GRK5: variants seen among roughly 807,000 people sequenced by gnomAD.
GRK5 encodes the protein g protein-coupled receptor kinase GRK5.
GRK5 carries 40 observed loss-of-function variants against 78.4 expected under a neutral mutation model. That is an observed-to-expected ratio of 0.51 (90% CI 0.40 to 0.66). The LOEUF is 0.66. Ranked by LOEUF, GRK5 falls within the 30% of genes least tolerant of loss-of-function variation. The probability of loss-of-function intolerance (pLI) is 0.00; values close to 1 mark genes in which losing one functional copy is unlikely to be tolerated. For synonymous variants in GRK5, 289 were observed against 296.8 expected (o/e 0.97, Z 0.27); for missense variants, 598 against 759.9 (o/e 0.79, Z 2.50).
intron 2 of GRK5, among the ~76,000 whole-genome samples, chr10:119,348,012 C>T (rs17676433): frequency 0.023 from 3,570 of 152,328 alleles, 59 homozygotes; most frequent in Middle Eastern, 0.034. Context: ...TTCTCTCATC[C>T]GCCATTGTTG....
chr10:119,429,041 G>A (rs1360129713), intron 6 of GRK5, among the ~76,000 whole-genome samples: 1 of 152,218 alleles, frequency 6.6e-6, no homozygotes, highest in African/African-American at 2.4e-5. Context: ...AGGGCCACGT[G>A]GTCGAGGCAG....
intron 2 of GRK5, among the ~76,000 whole-genome samples, chr10:119,338,049 G>C (rs1335149850): frequency 3.9e-5 from 6 of 152,192 alleles, no homozygotes; most frequent in Admixed American, 3.9e-4. Flanking sequence ...AGGTAATGGG[G>C]ATTAGGACTT....
At chr10:119,442,910 T>TGGATGGA (rs1564937155) in intron 11 of GRK5, among the ~76,000 whole-genome samples, 4 of 152,080 alleles carry the variant, frequency 2.6e-5, no homozygotes, top group Non-Finnish European at 5.9e-5. Context: ...GGATGGATGG[T>TGGATGGA]TGGATGGATG....
At chr10:119,365,903 C>T (rs1287066430) in intron 2 of GRK5, among the ~76,000 whole-genome samples, 2 of 152,216 alleles carry the variant, frequency 1.3e-5, no homozygotes, top group Non-Finnish European at 2.9e-5. Context: ...TGTTATGATG[C>T]AGCCATCAGC....
At chr10:119,256,187 C>G (rs1849280371) in intron 1 of GRK5, among the ~76,000 whole-genome samples, 1 of 152,148 alleles carries the variant, frequency 6.6e-6, no homozygotes, top group Non-Finnish European at 1.5e-5. Context: ...CAGAGCCACC[C>G]TCTCGCTGCC....
In GRK5 at chr10:119,431,422, G is replaced by A; in HGVS notation, c.633G>A (p.Met211Ile). The A allele has an allele frequency of 6.2e-7, 1 of 1,614,054 alleles. No individual in the cohort carries two copies. Among genetic ancestry groups the A allele is most frequent in the South Asian group, 1.1e-5 (1 of 91,054 alleles). The part of the protein sequence containing the change: ...CACQVRATGK[M>I]YACKRLEKKR... ...GCCAGGTTCGGGCCACGGGTAAAAT[G>A]TATGCCTGCAAGCGCTTGGAGAAGA... Residue 211 changes from methionine (M) to isoleucine (I), a missense_variant, in exon 8 of 16, where the codon ATG (methionine) becomes ATA (isoleucine). By Grantham distance (10) the Met-to-Ile change is conservative. Coordinates refer to ENST00000392870, the MANE Select transcript of GRK5 (RefSeq NM_005308.3). The surrounding 1 kb of genome is among the most constrained non-coding windows in gnomAD (Gnocchi z 4.8).
chr10:119,361,192 T>C (rs1224475708), intron 2 of GRK5, among the ~76,000 whole-genome samples: 1 of 152,140 alleles, frequency 6.6e-6, no homozygotes, highest in Non-Finnish European at 1.5e-5. Context: ...CACTCTACAG[T>C]GGAATGAAGG....
chr10:119,356,033 A>C (rs1183822106), intron 2 of GRK5, among the ~76,000 whole-genome samples: 2 of 152,218 alleles, frequency 1.3e-5, no homozygotes, highest in African/African-American at 4.8e-5. Context: ...GTAAGATAAT[A>C]ATACATTCTG....
chr10:119,219,387 C>A (rs1368025590), intron 1 of GRK5, among the ~76,000 whole-genome samples: 1 of 152,168 alleles, frequency 6.6e-6, no homozygotes, highest in Non-Finnish European at 1.5e-5. Flanking sequence ...CTCTTTGCAA[C>A]ATTTTGGATT....
At chr10:119,237,069 T>TTA in intron 1 of GRK5, among the ~76,000 whole-genome samples, 2 of 149,284 alleles carry the variant, frequency 1.3e-5, no homozygotes, top group Non-Finnish European at 3.0e-5. Context: ...TACCTTTTTT[T>TTA]TTTTTTTTTT....
chr10:119,310,921 C>T (rs1015240148), intron 1 of GRK5, among the ~76,000 whole-genome samples: 1 of 152,146 alleles, frequency 6.6e-6, no homozygotes, highest in African/African-American at 2.4e-5. Flanking sequence ...CAGCCCTCCC[C>T]GTCTGATGAG....
At chr10:119,417,800 C>T (rs770531852) in intron 4 of GRK5, among the ~76,000 whole-genome samples, 22 of 152,244 alleles carry the variant, frequency 1.4e-4, no homozygotes, top group South Asian at 6.2e-4. Flanking sequence ...TCACCCTAGG[C>T]GTACTTCATC....
chr10:119,279,011 G>A (rs539491767), intron 1 of GRK5, among the ~76,000 whole-genome samples: 1 of 152,292 alleles, frequency 6.6e-6, no homozygotes, highest in East Asian at 1.9e-4. Flanking sequence ...CCGAGTAGCT[G>A]GGATTACAGG....
intron 3 of GRK5, among the ~76,000 whole-genome samples, chr10:119,387,071 C>A (rs575245113): frequency 2.2e-4 from 33 of 152,060 alleles, no homozygotes; most frequent in African/African-American, 7.0e-4. Flanking sequence ...GTGGTGCGAT[C>A]TCAGCTCACT....
intron 1 of GRK5, among the ~76,000 whole-genome samples, chr10:119,257,051 C>T (rs1019225198): frequency 2.8e-4 from 43 of 152,232 alleles, no homozygotes; most frequent in African/African-American, 9.9e-4. Context: ...ATGTTGCAGC[C>T]TGCATCAGTG....
intron 1 of GRK5, among the ~76,000 whole-genome samples, chr10:119,225,845 ATTTTTTTTTCTTT>A (rs531614552): frequency 2.1e-3 from 225 of 108,078 alleles, no homozygotes; most frequent in African/African-American, 7.8e-3. Context: ...TAATTTTTGT[ATTTTTTTTTCTTT>A]TTTTTTTTGA....
At position 119,292,013 on chromosome 10, in the gene GRK5, C is replaced by CCTCCTCTTCCTCCTTCTT. The variant is rs1564879562; in HGVS notation, c.53-34496_53-34479dup. 3.2e-3 allele frequency among the ~76,000 whole-genome samples: 328 copies of CCTCCTCTTCCTCCTTCTT among 103,612 alleles called. 18 individuals carry two copies. Among genetic ancestry groups the CCTCCTCTTCCTCCTTCTT allele is most frequent in the African/African-American group, 8.4e-3 (216 of 25,704 alleles). 68.0% of individuals were successfully genotyped at this position (103,612 alleles called of 152,430 possible). A position where few individuals can be genotyped will look rare whatever the true frequency, so the allele number is the denominator to read the frequency against. On this transcript the variant is annotated intron_variant, in intron 1 of 15. Coordinates refer to ENST00000392870, the MANE Select transcript of GRK5 (RefSeq NM_005308.3). ...TTCTTCTCCTCCTCTTCCTCCTTCT[C>CCTCCTCTTCCTCCTTCTT]CTCCTCTTCCTCCTTCTTCTCCTCC...
intron 1 of GRK5, among the ~76,000 whole-genome samples, chr10:119,270,933 G>A (rs550664358): frequency 9.2e-5 from 14 of 152,352 alleles, no homozygotes; most frequent in East Asian, 5.8e-4. Context: ...GGCCCCTGGC[G>A]GAACACAAAT....
At chr10:119,352,761 T>G (rs1039818941) in intron 2 of GRK5, among the ~76,000 whole-genome samples, 1 of 152,190 alleles carries the variant, frequency 6.6e-6, no homozygotes, top group African/African-American at 2.4e-5. Flanking sequence ...CAAACCAGTC[T>G]CATTCCACCA....
Sources: gnomAD v4.1 joint callset for allele counts (sites outside exome capture counted in the v4.1 genomes callset) on GRCh38, gnomAD v4.1.1 for gene constraint, Gnocchi (gnomAD v3.1) non-coding constraint, MANE v1.5 for transcripts, NCBI Gene and HGNC (gene_info 2026-07-23, HGNC 2026-07-21) for gene names.